The following DLG2 variants were observed in gnomAD, a reference collection of about 807,000 sequenced individuals.
DLG2 encodes the protein disks large homolog 2.
A neutral mutation model predicts 132.5 loss-of-function variants in DLG2; 45 were observed. The ratio of observed to expected loss-of-function variants is 0.34; its 90% CI spans 0.27 to 0.44. The LOEUF is 0.44. Ranked by LOEUF, DLG2 falls within the 20% of genes least tolerant of loss-of-function variation. The pLI, the probability that DLG2 is intolerant of heterozygous loss-of-function variation, is 1.00. For synonymous variants in DLG2, 424 were observed against 419.6 expected (o/e 1.01, Z -0.13); for missense variants, 1,045 against 1,196.9 (o/e 0.87, Z 1.87).
chr11:84,600,212 GAA>G lies in DLG2; in HGVS notation c.358-65483_358-65482del, dbSNP rs1202650050. 1.7e-3 allele frequency among the ~76,000 whole-genome samples: 240 copies of G among 137,310 alleles called. 3 individuals carry two copies. The highest frequency in any genetic ancestry group is 3.8e-3 in the African/African-American group (123 of 31,988). 90.1% of individuals were successfully genotyped at this position (137,310 alleles called of 152,430 possible). A position where few individuals can be genotyped will look rare whatever the true frequency, so the allele number is the denominator to read the frequency against. On this transcript the variant is annotated intron_variant, in intron 6 of 27. Coordinates refer to ENST00000376104, the MANE Select transcript of DLG2 (RefSeq NM_001142699.3). ...AGAAAGAAAGAAAGAAAGAAAGAAA[GAA>G]AGAAAGAAAGAGAAAGAAAGACAGA...
At chr11:84,393,179 T>G (rs558082717) in intron 7 of DLG2, among the ~76,000 whole-genome samples, 1 of 152,228 alleles carries the variant, frequency 6.6e-6, no homozygotes, top group Admixed American at 6.5e-5. Flanking sequence ...TCACCATTGA[T>G]CTCCATTCTG....
rs946773734 is a variant in DLG2, at chr11:83,516,180, A to C, written c.2193+16528T>G. ...AGTGTAAGTCTCTTTGTAGGTCTCTAAGGACTTGCTTTATGAATCTGGGTG... is the reference window on the plus strand; with the variant it reads ...AGTGTAAGTCTCTTTGTAGGTCTCTCAGGACTTGCTTTATGAATCTGGGTG... On this transcript the variant is annotated intron_variant, in intron 21 of 27. Coordinates refer to ENST00000376104, the MANE Select transcript of DLG2 (RefSeq NM_001142699.3). Among the ~76,000 whole-genome samples, 5 of 152,110 alleles carry C rather than the reference A, an allele frequency of 3.3e-5. No homozygotes were observed. The South Asian group carries it at 1.0e-3, about 32-fold the overall frequency.
At chr11:83,935,290 A>C (rs1221507060) in intron 14 of DLG2, among the ~76,000 whole-genome samples, 2 of 152,192 alleles carry the variant, frequency 1.3e-5, no homozygotes, top group African/African-American at 4.8e-5. Flanking sequence ...TATTGGGCCA[A>C]GGATTTGGAA....
At chr11:84,404,861 G>T (rs1010479697) in intron 7 of DLG2, among the ~76,000 whole-genome samples, 3 of 152,128 alleles carry the variant, frequency 2.0e-5, no homozygotes, top group Non-Finnish European at 4.4e-5. Context: ...TGCCTTTTAG[G>T]ATATTTTAAC....
At chr11:84,707,282 C>A (rs535176659) in intron 6 of DLG2, among the ~76,000 whole-genome samples, 1 of 151,832 alleles carries the variant, frequency 6.6e-6, no homozygotes, top group African/African-American at 2.4e-5. Flanking sequence ...GCTATCTTTA[C>A]AGAGAGATAA....
intron 7 of DLG2, among the ~76,000 whole-genome samples, chr11:84,254,809 T>C (rs1194063021): frequency 6.6e-6 from 1 of 152,212 alleles, no homozygotes; most frequent in Non-Finnish European, 1.5e-5. Context: ...GGAAAGTTTA[T>C]TATTCCTTCT....
intron 6 of DLG2, among the ~76,000 whole-genome samples, chr11:85,010,818 C>T (rs2059091444): frequency 2.0e-5 from 3 of 152,038 alleles, no homozygotes; most frequent in African/African-American, 7.2e-5. Flanking sequence ...CTTTTGGTTT[C>T]CACCGCAAAA....
intron 8 of DLG2, among the ~76,000 whole-genome samples, chr11:84,201,808 CTTTTTTTTTTTTTTT>C (rs58905339): frequency 1.5e-5 from 1 of 64,584 alleles, no homozygotes; most frequent in African/African-American, 6.7e-5. Flanking sequence ...AAACTATTTT[CTTTTTTTTTTTTTTT>C]TTTTTTTTTT....
At chr11:83,531,366 C>T (rs2095739978) in intron 21 of DLG2, among the ~76,000 whole-genome samples, 1 of 151,914 alleles carries the variant, frequency 6.6e-6, no homozygotes, top group Non-Finnish European at 1.5e-5. Flanking sequence ...AACATTTCTC[C>T]AAATAATATA....
chr11:83,512,922 A>G (rs1319378259), intron 21 of DLG2, among the ~76,000 whole-genome samples: 1 of 152,144 alleles, frequency 6.6e-6, no homozygotes, highest in Non-Finnish European at 1.5e-5. Context: ...TTCTTAATCC[A>G]GTCTATCATT....
intron 4 of DLG2, among the ~76,000 whole-genome samples, chr11:85,257,066 G>T (rs1001338422): frequency 6.6e-5 from 10 of 152,092 alleles, no homozygotes; most frequent in African/African-American, 2.4e-4. Flanking sequence ...GAAAGAAAAA[G>T]ACAGAGAAGA....
chr11:84,504,184 G>C (rs1176100281), intron 7 of DLG2, among the ~76,000 whole-genome samples: 1 of 152,144 alleles, frequency 6.6e-6, no homozygotes, highest in Non-Finnish European at 1.5e-5. Context: ...AAAGCTCAGA[G>C]ATGTACACCA....
At chr11:85,105,954 A>C (rs1461808530) in intron 6 of DLG2, among the ~76,000 whole-genome samples, 1 of 149,626 alleles carries the variant, frequency 6.7e-6, no homozygotes, top group Non-Finnish European at 1.5e-5. Flanking sequence ...CACACAATGC[A>C]TTCTGGGAAA....
At chr11:84,606,899 C>T (rs2099586720) in intron 6 of DLG2, among the ~76,000 whole-genome samples, 1 of 152,094 alleles carries the variant, frequency 6.6e-6, no homozygotes, top group African/African-American at 2.4e-5. Context: ...CTTCCCTGGA[C>T]CCTCGCATGT....
rs542151662 is a variant in DLG2 at position 83,518,029 on chromosome 11, C to A, written c.2193+14679G>T. Among the ~76,000 whole-genome samples, 3 of 152,170 alleles carry A rather than the reference C, an allele frequency of 2.0e-5. No homozygotes were observed. In the South Asian group the frequency reaches 6.2e-4, roughly 32 times the overall value. Reference sequence around the variant, plus strand: ...GATCTCAAGGTGCATGCTGGGAGAACCACTACTCTCTTCAAAGCTGTCAGA... The same window carrying A: ...GATCTCAAGGTGCATGCTGGGAGAAACACTACTCTCTTCAAAGCTGTCAGA... On this transcript the variant is annotated intron_variant, in intron 21 of 27. Transcript: ENST00000376104.
chr11:85,398,887 A>G (rs1224727375), intron 3 of DLG2, among the ~76,000 whole-genome samples: 2 of 152,200 alleles, frequency 1.3e-5, no homozygotes, highest in Admixed American at 1.3e-4. Flanking sequence ...AACTATTTCA[A>G]TCAATAGAAA....
At chr11:84,957,952 G>A (rs2051946130) in intron 6 of DLG2, among the ~76,000 whole-genome samples, 3 of 152,002 alleles carry the variant, frequency 2.0e-5, no homozygotes, top group Admixed American at 2.0e-4. Context: ...GGAGACTGAG[G>A]GTATTAAGCT....
At chr11:85,403,351 G>A (rs184283758) in intron 3 of DLG2, among the ~76,000 whole-genome samples, 4 of 152,192 alleles carry the variant, frequency 2.6e-5, no homozygotes, top group African/African-American at 9.6e-5. Context: ...GTTGGTGGGG[G>A]CTGGGGGAGG....
chr11:85,012,097 G>A (rs774203666), intron 6 of DLG2, among the ~76,000 whole-genome samples: 65 of 150,010 alleles, frequency 4.3e-4, no homozygotes, highest in Admixed American at 2.7e-3. Flanking sequence ...CGAGGCAGGC[G>A]GATCACCTGA....
Sources: gnomAD v4.1 joint callset for allele counts (sites outside exome capture counted in the v4.1 genomes callset) on GRCh38, gnomAD v4.1.1 for gene constraint, MANE v1.5 for transcripts, NCBI Gene and HGNC (gene_info 2026-07-23, HGNC 2026-07-21) for gene names.